The following RNF150 variants were observed in gnomAD, a reference collection of about 807,000 sequenced individuals.
RNF150 encodes ring finger protein 150.
Under a neutral mutation model 39.3 loss-of-function variants are expected in RNF150, and 24 were observed. The ratio of observed to expected loss-of-function variants is 0.61; its 90% CI spans 0.44 to 0.86. The LOEUF (loss-of-function observed/expected upper bound fraction) is 0.86. Among genes scored for constraint, RNF150 ranks in the 40% least tolerant of loss-of-function variants. RNF150 has a pLI of 0.00. For synonymous variants in RNF150, 255 were observed against 227.3 expected (o/e 1.12, Z -1.10); for missense variants, 502 against 587.8 (o/e 0.85, Z 1.51).
chr4:141,177,523 T>C (rs1183073772), intron 1 of RNF150, among the ~76,000 whole-genome samples: 1 of 151,958 alleles, frequency 6.6e-6, no homozygotes, highest in Admixed American at 6.6e-5. Flanking sequence ...GCAATGTACA[T>C]TAATATCAAG....
At chr4:140,930,652 C>A (rs752424706) in intron 4 of RNF150, among the ~76,000 whole-genome samples, 78 of 152,202 alleles carry the variant, frequency 5.1e-4, no homozygotes, top group Non-Finnish European at 7.9e-4. Flanking sequence ...CAGCGTGGCT[C>A]CCTCCTGCAT....
At position 140,861,258 on chromosome 4, in the gene RNF150, C is replaced by T. The variant is rs1728479189; in HGVS notation, c.*7003G>A. The T allele has an allele frequency of 6.6e-6, 1 of 152,190 alleles. No individual in the cohort carries two copies. Among genetic ancestry groups the T allele is most frequent in the South Asian group, 2.1e-4 (1 of 4,832 alleles). The allele number at this position is 152,190 out of a possible 1,614,324, so 9.4% of individuals were successfully genotyped here. A position where few individuals can be genotyped will look rare whatever the true frequency, so the allele number is the denominator to read the frequency against. On this transcript the variant is annotated 3_prime_UTR_variant, in exon 7 of 7. Transcript: ENST00000515673. ...GAGATAACTTACAAAAACAAGCAGT[C>T]CCTTGCTTATAACTGCACAAACATT...
chr4:140,932,114 G>A (rs546379661), intron 4 of RNF150, among the ~76,000 whole-genome samples: 1 of 152,224 alleles, frequency 6.6e-6, no homozygotes, highest in Non-Finnish European at 1.5e-5. Flanking sequence ...TAGTGAAGTG[G>A]TTATTAAAAA....
intron 1 of RNF150, among the ~76,000 whole-genome samples, chr4:141,086,835 C>A (rs574345599): frequency 6.6e-6 from 1 of 152,088 alleles, no homozygotes; most frequent in East Asian, 1.9e-4. Context: ...ACAAAATCAA[C>A]AGCCCAGCTG....
At chr4:141,160,638 C>T (rs1044139363) in intron 1 of RNF150, among the ~76,000 whole-genome samples, 7 of 152,150 alleles carry the variant, frequency 4.6e-5, no homozygotes, top group Admixed American at 3.3e-4. Flanking sequence ...ATGGGCGTGA[C>T]TTCTAATGGT....
chr4:141,041,831 C>A (rs1736386880), intron 1 of RNF150, among the ~76,000 whole-genome samples: 1 of 151,984 alleles, frequency 6.6e-6, no homozygotes, highest in South Asian at 2.1e-4. Context: ...AAGCCTTAGA[C>A]CATCTACAAA....
chr4:140,918,145 A>G (rs1730925731), intron 5 of RNF150, among the ~76,000 whole-genome samples: 1 of 152,202 alleles, frequency 6.6e-6, no homozygotes, highest in African/African-American at 2.4e-5. Context: ...GAAAAGCAAG[A>G]GCAAACACAT....
chr4:141,031,012 AT>A (rs1735923903), intron 1 of RNF150, among the ~76,000 whole-genome samples: 1 of 152,026 alleles, frequency 6.6e-6, no homozygotes, highest in African/African-American at 2.4e-5. Flanking sequence ...AAACAATCCT[AT>A]TGGCAAACAA....
chr4:141,096,961 T>C (rs1738811200), intron 1 of RNF150, among the ~76,000 whole-genome samples: 1 of 152,238 alleles, frequency 6.6e-6, no homozygotes, highest in African/African-American at 2.4e-5. Flanking sequence ...GACCTTTATA[T>C]GGGACTTGAT....
At chr4:141,029,893 A>G (rs1735864752) in intron 1 of RNF150, among the ~76,000 whole-genome samples, 1 of 152,194 alleles carries the variant, frequency 6.6e-6, no homozygotes, top group African/African-American at 2.4e-5. Context: ...TGAAATACCA[A>G]CATGCATATA....
intron 1 of RNF150, among the ~76,000 whole-genome samples, chr4:141,198,743 G>T (rs1406511174): frequency 6.6e-6 from 1 of 152,182 alleles, no homozygotes; most frequent in Non-Finnish European, 1.5e-5. Context: ...TCAGTTTGGG[G>T]CTAAGAGCAT....
intron 1 of RNF150, among the ~76,000 whole-genome samples, chr4:141,093,927 G>A (rs1047068126): frequency 6.6e-6 from 1 of 152,142 alleles, no homozygotes; most frequent in Admixed American, 6.5e-5. Context: ...AAGGTCAAGA[G>A]GCTATAAAAG....
intron 1 of RNF150, among the ~76,000 whole-genome samples, chr4:141,102,134 C>T (rs992319980): frequency 2.6e-5 from 4 of 152,076 alleles, no homozygotes; most frequent in African/African-American, 7.2e-5. Flanking sequence ...TTTTCATGGA[C>T]CAAAATGTCG....
At chr4:140,990,121 A>G (rs954730617) in intron 1 of RNF150, among the ~76,000 whole-genome samples, 3 of 152,196 alleles carry the variant, frequency 2.0e-5, no homozygotes, top group Non-Finnish European at 4.4e-5. Context: ...ACTGGCTTAC[A>G]CATGCCCACA....
At chr4:141,074,316 C>G (rs1348314191) in intron 1 of RNF150, among the ~76,000 whole-genome samples, 3 of 150,572 alleles carry the variant, frequency 2.0e-5, no homozygotes, top group Non-Finnish European at 4.4e-5. Flanking sequence ...GACAGATATG[C>G]CTGGCCACTA....
chr4:141,093,846 A>ATTCTC (rs1738682652), intron 1 of RNF150, among the ~76,000 whole-genome samples: 1 of 152,244 alleles, frequency 6.6e-6, no homozygotes, highest in Admixed American at 6.5e-5. Context: ...GCCTGACAAT[A>ATTCTC]TTAAGAGAAT....
intron 5 of RNF150, among the ~76,000 whole-genome samples, chr4:140,924,452 G>C (rs948970621): frequency 2.6e-5 from 4 of 152,198 alleles, no homozygotes; most frequent in African/African-American, 9.7e-5. Context: ...CCTGACCAGA[G>C]AGCAGTGGGA....
At chr4:140,868,541 T>G (rs1306675988) in intron 6 of RNF150, among the ~76,000 whole-genome samples, 162 bp from the exon 7 acceptor site, 1 of 152,268 alleles carries the variant, frequency 6.6e-6, no homozygotes, top group East Asian at 1.9e-4. Flanking sequence ...TCATCTCACA[T>G]GGGCCAAAAA....
At chr4:140,984,907 C>T (rs1040745162) in intron 1 of RNF150, among the ~76,000 whole-genome samples, 1 of 152,150 alleles carries the variant, frequency 6.6e-6, no homozygotes, top group African/African-American at 2.4e-5. Context: ...TCCTTGATAA[C>T]ATATGATTTA....
Sources: allele counts gnomAD v4.1 joint callset (sites outside exome capture counted in the v4.1 genomes callset), GRCh38; gene constraint gnomAD v4.1.1; transcripts MANE v1.5; gene names NCBI Gene and HGNC (gene_info 2026-07-23, HGNC 2026-07-21).